MYO7A: variants seen among roughly 807,000 people sequenced by gnomAD.
The protein encoded by MYO7A is unconventional myosin-VIIa.
Under a neutral mutation model 263.8 loss-of-function variants are expected in MYO7A, and 210 were observed. That is an observed-to-expected ratio of 0.80 (90% CI 0.71 to 0.89). The LOEUF (loss-of-function observed/expected upper bound fraction) is 0.89, where lower values mean the gene tolerates loss of function less well. Ranked by LOEUF, MYO7A falls within the 40% of genes least tolerant of loss-of-function variation. The pLI, the probability that MYO7A is intolerant of heterozygous loss-of-function variation, is 0.00. For missense variants in MYO7A, 2,820 were observed against 2,968.3 expected, an observed-to-expected ratio of 0.95 and a Z score of 1.16; for synonymous variants, 1,239 against 1,197.3, an observed-to-expected ratio of 1.03 and a Z score of -0.72.
Position 77,147,880 on chromosome 11 carries a change from GC to G in MYO7A, c.217del (p.Leu73TrpfsTer33). On this transcript the variant is annotated frameshift_variant, in exon 4 of 49. Coordinates refer to ENST00000409709, the MANE Select transcript of MYO7A (RefSeq NM_000260.4). LOFTEE classifies it high-confidence loss of function. The part of the protein sequence containing the change: ...TSVHGVEDMI[R>X]LGDLNEAGIL... The stretch of plus-strand genomic sequence containing the variant: ...GTCCACGGCGTGGAGGACATGATCC[GC>G]CTGGGGGACCTCAACGAGGCGGGCA... 1 of 1,600,276 alleles carries G rather than the reference GC, an allele frequency of 6.2e-7. No individual in the cohort carries two copies. Among genetic ancestry groups the G allele is most frequent in the Non-Finnish European group, 8.5e-7 (1 of 1,174,392 alleles).
At position 77,211,271 on chromosome 11, in the gene MYO7A, C is replaced by T. The variant is rs147339921; in HGVS notation, c.6171C>T (p.Pro2057=). The T allele has an allele frequency of 4.4e-6, 7 of 1,580,596 alleles. No individual in the cohort carries two copies. Among genetic ancestry groups the T allele is most frequent in the African/African-American group, 1.3e-5 (1 of 74,346 alleles). Residue 2057 remains proline (P), a synonymous_variant, in exon 45 of 49, where the codon CCC becomes CCT. Coordinates refer to ENST00000409709, the MANE Select transcript of MYO7A (RefSeq NM_000260.4). ...ACAAGTCCTACTTCCCCAGCATCCC[C>T]AAGCTGCTGCGGGAGCTGGTGCCCC... is the stretch of plus-strand genomic sequence containing the variant. ...EEDKSYFPSI[P]KLLRELVPQD...
At chr11:77,142,426 G>A (rs938140367) in intron 2 of MYO7A, 4 of 296,754 alleles carry the variant, frequency 1.3e-5, no homozygotes, top group Admixed American at 1.3e-4. Context: ...TCCATGGGGA[G>A]AGCTGGGCTT....
chr11:77,160,172 C>G lies in MYO7A; in HGVS notation c.1090C>G (p.Pro364Ala), dbSNP rs141296731. 2.6e-6 allele frequency: 4 copies of G among 1,561,726 alleles called. No homozygotes were observed. In the African/African-American group the frequency reaches 4.1e-5, roughly 16 times the overall value. Residue 364 changes from proline (P) to alanine (A), a missense_variant, in exon 11 of 49, where the codon CCA becomes GCA. Coordinates refer to ENST00000409709, the MANE Select transcript of MYO7A (RefSeq NM_000260.4). ...TAASLLEVNP[P>A]DLMSCLTSRT... The stretch of plus-strand genomic sequence containing the variant: ...GTGTTGCCTGTACCAGGTGAACCCC[C>G]CAGACCTGATGAGCTGCCTGACTAG...
chr11:77,200,854 C>A (rs1215575951), intron 35 of MYO7A, among the ~76,000 whole-genome samples: 1 of 152,230 alleles, frequency 6.6e-6, no homozygotes, highest in Non-Finnish European at 1.5e-5. Flanking sequence ...GCAGTAACAA[C>A]TACTCTGCCT....
At chr11:77,175,130 A>G (rs1954519293) in intron 17 of MYO7A, among the ~76,000 whole-genome samples, 2 of 152,212 alleles carry the variant, frequency 1.3e-5, no homozygotes, top group South Asian at 4.1e-4. Flanking sequence ...GGTGTAAGGA[A>G]CAAGACCAGG....
chr11:77,214,420 A>G (rs767778441), intron 48 of MYO7A, among the ~76,000 whole-genome samples, 187 bp from the exon 49 acceptor site: 2 of 152,174 alleles, frequency 1.3e-5, no homozygotes, highest in Non-Finnish European at 2.9e-5. Flanking sequence ...AACAGTGTAG[A>G]ACCTTAGCCA....
intron 27 of MYO7A, among the ~76,000 whole-genome samples, chr11:77,186,306 C>T (rs1247193196): frequency 6.6e-6 from 1 of 152,196 alleles, no homozygotes; most frequent in Non-Finnish European, 1.5e-5. Flanking sequence ...TGCATTAGCT[C>T]CTGACAGGAG....
chr11:77,191,651 G>C (rs961392081), intron 30 of MYO7A, among the ~76,000 whole-genome samples: 3 of 152,214 alleles, frequency 2.0e-5, no homozygotes, highest in Non-Finnish European at 4.4e-5. Context: ...CCTGGGGCTT[G>C]GGTGATTTTG....
intron 41 of MYO7A, 159 bp from the exon 42 acceptor site, chr11:77,207,130 G>A (rs1356769903): frequency 1.7e-6 from 1 of 574,112 alleles, no homozygotes; most frequent in East Asian, 2.8e-5. Context: ...GACAGGAGTA[G>A]CCCTTTCCTT....
At chr11:77,143,741 C>T (rs1430106037) in intron 3 of MYO7A, among the ~76,000 whole-genome samples, 1 of 152,310 alleles carries the variant, frequency 6.6e-6, no homozygotes, top group Middle Eastern at 3.4e-3. Context: ...GGGGCTGGGA[C>T]ACAGAATTGG....
At chr11:77,183,014 C>T (rs1415255565) in intron 25 of MYO7A, 54 bp from the exon 26 acceptor site, 1 of 1,464,298 alleles carries the variant, frequency 6.8e-7, no homozygotes, top group African/African-American at 1.4e-5. Flanking sequence ...TGTCGGGGGT[C>T]TCGACATTGC....
intron 3 of MYO7A, 73 bp from the exon 4 acceptor site, chr11:77,147,725 C>G: frequency 6.4e-7 from 1 of 1,570,068 alleles, no homozygotes; most frequent in Non-Finnish European, 8.6e-7. Flanking sequence ...CGCTCCCGCC[C>G]GTCCCGGCCC....
intron 29 of MYO7A, 119 bp from the exon 30 acceptor site, chr11:77,190,578 T>TGCTGGGGCTTGGAGC: frequency 9.5e-7 from 1 of 1,049,180 alleles, no homozygotes; most frequent in Non-Finnish European, 1.4e-6. Flanking sequence ...CCCAGTGAGG[T>TGCTGGGGCTTGGAGC]ACTGGGGCCT....
intron 16 of MYO7A, among the ~76,000 whole-genome samples, chr11:77,173,438 G>A (rs1555077881): frequency 6.6e-6 from 1 of 152,236 alleles, no homozygotes; most frequent in East Asian, 1.9e-4. Flanking sequence ...TGTGTGCCCA[G>A]CATAGGCTGG....
intron 30 of MYO7A, among the ~76,000 whole-genome samples, chr11:77,191,589 G>A (rs1956073176): frequency 6.6e-6 from 1 of 152,200 alleles, no homozygotes; most frequent in Non-Finnish European, 1.5e-5. Flanking sequence ...GCTGGAGTGT[G>A]GGCGTCCCGC....
At chr11:77,141,792 T>C (rs1267789488) in intron 2 of MYO7A, among the ~76,000 whole-genome samples, 4 of 152,350 alleles carry the variant, frequency 2.6e-5, no homozygotes, top group African/African-American at 9.6e-5. Context: ...AGCGGCTCCA[T>C]TGGCTACTGG....
chr11:77,200,394 A>G (rs1287104259), intron 35 of MYO7A, among the ~76,000 whole-genome samples: 1 of 152,202 alleles, frequency 6.6e-6, no homozygotes, highest in Non-Finnish European at 1.5e-5. Flanking sequence ...GAAGGAAGGA[A>G]GAGAGCAGGG....
At chr11:77,177,201 T>G (rs944441133) in intron 18 of MYO7A, among the ~76,000 whole-genome samples, 5 of 152,012 alleles carry the variant, frequency 3.3e-5, no homozygotes, top group African/African-American at 9.7e-5. Flanking sequence ...CCAGCCCAGG[T>G]GAGGGACTGA....
In MYO7A at chr11:77,175,397, G is replaced by T. The variant is rs782176754; in HGVS notation, c.2120G>T (p.Arg707Leu). ...KQGDLRGTCQ[R>L]MAEAVLGTHD... ...GGCGACCTCCGCGGGACTTGCCAGCGCATGGCTGAGGCTGTGCTGGGCACC... is the reference window on the plus strand; with the variant it reads ...GGCGACCTCCGCGGGACTTGCCAGCTCATGGCTGAGGCTGTGCTGGGCACC... Residue 707 changes from arginine to leucine, a missense_variant, in exon 18 of 49, where the codon CGC becomes CTC. By Grantham distance (102) the Arg-to-Leu change is moderately radical. Transcript: ENST00000409709. 20 of 1,613,154 alleles carry T rather than the reference G, an allele frequency of 1.2e-5. No individual in the cohort carries two copies. The highest frequency in any genetic ancestry group is 1.6e-5 in the Non-Finnish European group (19 of 1,179,874).
Sources: gnomAD v4.1 joint callset for allele counts (sites outside exome capture counted in the v4.1 genomes callset) on GRCh38, gnomAD v4.1.1 for gene constraint, MANE v1.5 for transcripts, NCBI Gene and HGNC (gene_info 2026-07-23, HGNC 2026-07-21) for gene names.